WWOX: variants seen among roughly 807,000 people sequenced by gnomAD.
WWOX encodes WW domain-containing oxidoreductase.
In WWOX, 69 loss-of-function variants were observed where a neutral mutation model predicts 46.2. That is an observed-to-expected ratio of 1.49 (90% CI 1.23 to 1.82). The LOEUF (loss-of-function observed/expected upper bound fraction) is 1.82, where lower values mean the gene tolerates loss of function less well. Ranked by LOEUF, WWOX falls within the 40% of genes most tolerant of loss-of-function variation. WWOX has a pLI of 0.00. For missense variants in WWOX, 919 were observed against 542.6 expected (o/e 1.69, Z -6.89); for synonymous variants, 359 against 202.6 (o/e 1.77, Z -6.56).
chr16:79,110,666 G>A (rs549839762), intron 8 of WWOX: 13 of 152,096 alleles, frequency 8.5e-5, no homozygotes, highest in African/African-American at 3.1e-4. Flanking sequence ...TTAAACTCAC[G>A]TTCATTTCTC....
At chr16:78,551,317 T>G (rs978902816) in intron 8 of WWOX, 13 of 152,216 alleles carry the variant, frequency 8.5e-5, no homozygotes, top group African/African-American at 2.9e-4. Flanking sequence ...AACTTTTGTG[T>G]AGCATTGTCT....
chr16:78,745,159 T>A (rs1366485064), intron 8 of WWOX, among the ~76,000 whole-genome samples: 1 of 152,214 alleles, frequency 6.6e-6, no homozygotes, highest in Non-Finnish European at 1.5e-5. Flanking sequence ...CCTCTGTCTG[T>A]GAAAGCCAGT....
chr16:78,271,430 A>G (rs1335819728), intron 5 of WWOX, among the ~76,000 whole-genome samples: 1 of 152,188 alleles, frequency 6.6e-6, no homozygotes. Flanking sequence ...TACCTGCATC[A>G]CCTTGCTGGG....
intron 8 of WWOX, among the ~76,000 whole-genome samples, chr16:78,531,138 C>G (rs907004673): frequency 4.6e-5 from 7 of 151,948 alleles, no homozygotes; most frequent in African/African-American, 1.7e-4. Flanking sequence ...TGGTAGAGAA[C>G]CTTGCTAGGT....
intron 8 of WWOX, among the ~76,000 whole-genome samples, chr16:78,757,901 C>T (rs527990732): frequency 1.3e-5 from 2 of 151,966 alleles, no homozygotes; most frequent in African/African-American, 4.8e-5. Context: ...CTAAAGGCTC[C>T]CCCTCCTAAT....
intron 8 of WWOX, among the ~76,000 whole-genome samples, chr16:78,966,615 A>G (rs2046367356): frequency 6.6e-6 from 1 of 152,162 alleles, no homozygotes; most frequent in Non-Finnish European, 1.5e-5. Context: ...TTTTGAATCA[A>G]TAAATATAGT....
intron 8 of WWOX, among the ~76,000 whole-genome samples, chr16:79,008,380 C>T (rs1403508438): frequency 6.6e-6 from 1 of 152,188 alleles, no homozygotes; most frequent in Non-Finnish European, 1.5e-5. Flanking sequence ...TAATGCAAAA[C>T]CAACTGCGTT....
At chr16:79,037,962 C>T (rs1388702139) in intron 8 of WWOX, among the ~76,000 whole-genome samples, 2 of 152,018 alleles carry the variant, frequency 1.3e-5, no homozygotes, top group Non-Finnish European at 2.9e-5. Context: ...TGGTTCTGTT[C>T]CTCCCCTACA....
intron 8 of WWOX, among the ~76,000 whole-genome samples, chr16:79,067,535 A>G (rs1339604407): frequency 6.8e-6 from 1 of 147,578 alleles, no homozygotes; most frequent in Non-Finnish European, 1.5e-5. Context: ...TCCTCACTAG[A>G]GACCTTCCCT....
At chr16:78,614,391 T>C (rs2045972285) in intron 8 of WWOX, among the ~76,000 whole-genome samples, 1 of 152,260 alleles carries the variant, frequency 6.6e-6, no homozygotes, top group South Asian at 2.1e-4. Context: ...GCATCATTTA[T>C]TCTGAGTCCA....
At chr16:78,674,837 T>TG (rs201370061) in intron 8 of WWOX, among the ~76,000 whole-genome samples, 2 of 151,662 alleles carry the variant, frequency 1.3e-5, no homozygotes, top group Admixed American at 1.3e-4. Flanking sequence ...TCATTTTTTT[T>TG]TTTTCTGGAA....
chr16:78,448,717 A>T (rs112154448), intron 8 of WWOX, among the ~76,000 whole-genome samples: 7 of 152,298 alleles, frequency 4.6e-5, no homozygotes, highest in Admixed American at 1.3e-4. Flanking sequence ...AAGAGGCTGG[A>T]CATTAAAATC....
At chr16:78,766,222 C>G (rs1434786654) in intron 8 of WWOX, among the ~76,000 whole-genome samples, 1 of 152,220 alleles carries the variant, frequency 6.6e-6, no homozygotes, top group African/African-American at 2.4e-5. Context: ...AAGGATTCCA[C>G]CAGGTAAACT....
intron 8 of WWOX, among the ~76,000 whole-genome samples, chr16:78,570,239 G>C (rs767447363): frequency 5.9e-5 from 9 of 152,280 alleles, no homozygotes; most frequent in Middle Eastern, 3.4e-3. Flanking sequence ...TGGGGCCCAA[G>C]TGTTTTATTA....
chr16:78,354,140 G>C (rs1477020770), intron 5 of WWOX, among the ~76,000 whole-genome samples: 1 of 152,190 alleles, frequency 6.6e-6, no homozygotes, highest in African/African-American at 2.4e-5. Flanking sequence ...AATCAGGAAA[G>C]ACAATGCAGC....
At chr16:78,248,725 G>T (rs912598732) in intron 5 of WWOX, among the ~76,000 whole-genome samples, 7 of 151,878 alleles carry the variant, frequency 4.6e-5, no homozygotes, top group Non-Finnish European at 8.8e-5. Context: ...AACAGAGCGA[G>T]ACCCCATTTC....
chr16:79,121,656 T>G (rs1243915886), intron 8 of WWOX, among the ~76,000 whole-genome samples: 1 of 152,210 alleles, frequency 6.6e-6, no homozygotes, highest in East Asian at 1.9e-4. Flanking sequence ...GGAGGTGTGT[T>G]TTGGGGCATG....
chr16:78,598,293 G>A (rs921625393), intron 8 of WWOX, among the ~76,000 whole-genome samples: 3 of 152,220 alleles, frequency 2.0e-5, no homozygotes, highest in African/African-American at 7.2e-5. Context: ...TTTAATAAAC[G>A]GATTGTGTTT....
chr16:79,062,549 A>G (rs2048374441), intron 8 of WWOX, among the ~76,000 whole-genome samples: 1 of 152,202 alleles, frequency 6.6e-6, no homozygotes, highest in African/African-American at 2.4e-5. Context: ...TTCACCAAGC[A>G]CTTAGGAATA....
Sources: allele counts gnomAD v4.1 joint callset (sites outside exome capture counted in the v4.1 genomes callset), GRCh38; gene constraint gnomAD v4.1.1; transcripts MANE v1.5; gene names NCBI Gene and HGNC (gene_info 2026-07-23, HGNC 2026-07-21).